Variants in NPHP4 observed in about 807,000 individuals in gnomAD.
The protein encoded by NPHP4 is nephrocystin 4.
Under a neutral mutation model 155.8 loss-of-function variants are expected in NPHP4, and 151 were observed. The ratio of observed to expected loss-of-function variants is 0.97; its 90% CI spans 0.85 to 1.11. The LOEUF (loss-of-function observed/expected upper bound fraction) is 1.11, where lower values mean the gene tolerates loss of function less well. Among genes scored for constraint, NPHP4 ranks in the 50% least tolerant of loss-of-function variants. The pLI is 0.00. For missense variants in NPHP4, 1,956 were observed against 1,925.7 expected (o/e 1.02, Z -0.29); for synonymous variants, 845 against 816.8 (o/e 1.03, Z -0.59).
At chr1:5,902,227 CT>C (rs1348437941) in intron 16 of NPHP4, among the ~76,000 whole-genome samples, 1 of 152,226 alleles carries the variant, frequency 6.6e-6, no homozygotes, top group Non-Finnish European at 1.5e-5. Flanking sequence ...CTTTTCAGAT[CT>C]GCCCACAGGA....
intron 3 of NPHP4, among the ~76,000 whole-genome samples, chr1:5,974,929 TC>T (rs1653263241): frequency 6.6e-6 from 1 of 151,204 alleles, no homozygotes; most frequent in Admixed American, 6.6e-5. Flanking sequence ...CCAAAGCAGA[TC>T]CCCCCAAACC....
intron 6 of NPHP4, among the ~76,000 whole-genome samples, chr1:5,955,001 A>C (rs547220114): frequency 6.6e-6 from 1 of 152,234 alleles, no homozygotes; most frequent in African/African-American, 2.4e-5. Context: ...AATATCCAGA[A>C]TACATAAGGA....
chr1:5,917,207 C>G (rs774122606), intron 11 of NPHP4, among the ~76,000 whole-genome samples: 1 of 152,118 alleles, frequency 6.6e-6, no homozygotes, highest in African/African-American at 2.4e-5. Context: ...GGGTGTGTGA[C>G]CAAGGCCAAC....
chr1:5,956,067 G>GT (rs60060759), intron 6 of NPHP4, among the ~76,000 whole-genome samples: 4,025 of 149,984 alleles, frequency 0.027, 169 homozygotes, highest in Middle Eastern at 0.075. Context: ...GCTGGGGGGG[G>GT]GGGGTGCAGG....
At chr1:5,903,420 A>T (rs1230976140) in intron 16 of NPHP4, among the ~76,000 whole-genome samples, 2 of 152,122 alleles carry the variant, frequency 1.3e-5, no homozygotes, top group Admixed American at 6.5e-5. Context: ...CAGCATTTTA[A>T]CATCACTTTT....
chr1:5,942,959 T>C (rs1570558457), intron 9 of NPHP4, among the ~76,000 whole-genome samples: 2 of 152,230 alleles, frequency 1.3e-5, no homozygotes, highest in East Asian at 3.8e-4. Context: ...TTTGCCCCTG[T>C]TGCATTTCAT....
rs1325489104 is a variant in NPHP4 at position 5,875,014 on chromosome 1, G to A, written c.2904C>T (p.Ala968=). The change falls in exon 21 of 30, where the codon GCC becomes GCT. Residue 968 remains alanine, a synonymous_variant. Transcript: ENST00000378156. ...YRERTKAESI[A]SLLSLAITTE... is the part of the protein sequence containing the mutation. ...TGGTGATGGCCAGGCTCAGCAGGCT[G>A]GCGATGCTCTCGGCCTTCGTGCGTT... 1.2e-6 allele frequency: 2 copies of A among 1,611,552 alleles called. No homozygotes were observed. Among genetic ancestry groups the A allele is most frequent in the Admixed American group, 1.7e-5 (1 of 60,024 alleles).
intron 11 of NPHP4, among the ~76,000 whole-genome samples, chr1:5,919,109 G>A (rs1410828113): frequency 3.9e-5 from 6 of 152,146 alleles, no homozygotes; most frequent in South Asian, 2.1e-4. Context: ...ATATACCAGC[G>A]GAGATGAGTA....
intron 9 of NPHP4, among the ~76,000 whole-genome samples, chr1:5,942,587 CAAA>C (rs34438938): frequency 2.4e-5 from 2 of 82,738 alleles, no homozygotes; most frequent in African/African-American, 4.8e-5. Context: ...TCATAAATGA[CAAA>C]AAAAAAAAAA....
chr1:5,978,858 C>A (rs2102378391), intron 2 of NPHP4, among the ~76,000 whole-genome samples: 1 of 152,334 alleles, frequency 6.6e-6, no homozygotes, highest in Middle Eastern at 3.4e-3. Context: ...TCACGTAAAT[C>A]ATTTTGGATG....
chr1:5,868,070 G>C (rs1230101667), intron 23 of NPHP4, 174 bp from the exon 24 acceptor site: 2 of 770,118 alleles, frequency 2.6e-6, no homozygotes, highest in Non-Finnish European at 2.3e-6. Context: ...TGCAGCAGCA[G>C]GTCTCCACCA....
At chr1:5,933,119 G>A in intron 10 of NPHP4, 28 bp downstream of exon 10, 1 of 1,464,884 alleles carries the variant, frequency 6.8e-7, no homozygotes, top group Non-Finnish European at 9.2e-7. Context: ...GCTCACCGGA[G>A]ATGCATAAGA....
At chr1:5,899,515 G>A (rs773761937) in intron 16 of NPHP4, among the ~76,000 whole-genome samples, 1 of 152,216 alleles carries the variant, frequency 6.6e-6, no homozygotes, top group Non-Finnish European at 1.5e-5. Flanking sequence ...CTGCGGTGAG[G>A]GAGGCCTCTG....
chr1:5,928,853 T>C (rs1417955085), intron 10 of NPHP4, among the ~76,000 whole-genome samples: 1 of 152,232 alleles, frequency 6.6e-6, no homozygotes, highest in Admixed American at 6.5e-5. Context: ...ATAAAATCTC[T>C]AGATCAATCT....
intron 3 of NPHP4, among the ~76,000 whole-genome samples, chr1:5,976,410 CG>C (rs1653591306): frequency 6.6e-6 from 1 of 152,154 alleles, no homozygotes; most frequent in African/African-American, 2.4e-5. Context: ...CACCAGGTTT[CG>C]GGGGGCTCAC....
At chr1:5,894,785 C>T (rs1167670992) in intron 16 of NPHP4, among the ~76,000 whole-genome samples, 1 of 151,950 alleles carries the variant, frequency 6.6e-6, no homozygotes, top group Non-Finnish European at 1.5e-5. Context: ...GAAAACAAAA[C>T]AATAGCAAAA....
intron 11 of NPHP4, among the ~76,000 whole-genome samples, chr1:5,909,732 G>A (rs1036699731): frequency 2.6e-5 from 4 of 152,176 alleles, no homozygotes; most frequent in South Asian, 4.1e-4. Context: ...CGGTAACACT[G>A]GGAGGCGCAC....
Position 5,904,715 on chromosome 1 carries a change from C to T in NPHP4, c.2045G>A (p.Arg682Gln), listed in dbSNP as rs543023683. 69 of 1,613,998 alleles carry T rather than the reference C, an allele frequency of 4.3e-5. No individual in the cohort carries two copies. In the Admixed American group the frequency reaches 1.0e-3, roughly 24 times the overall value. The change falls in exon 16 of 30, where the codon CGA (arginine) becomes CAA (glutamine). Residue 682 changes from arginine to glutamine, a missense_variant. By Grantham distance (43) the Arg-to-Gln change is conservative. Transcript: ENST00000378156. ...FYRFPPATTP[R>Q]LQLVQLDEAG... is the part of the protein sequence containing the mutation. ...CTCATCCAGCTGGACCAGCTGCAGT[C>T]GTGGCGTCGTTGCGGGTGGGAAGCG...
intron 10 of NPHP4, among the ~76,000 whole-genome samples, chr1:5,930,454 T>A (rs537937852): frequency 6.6e-6 from 1 of 152,352 alleles, no homozygotes; most frequent in African/African-American, 2.4e-5. Context: ...TTGAGCTGCA[T>A]CCTACGAACT....
Sources: gnomAD v4.1 joint callset for allele counts (sites outside exome capture counted in the v4.1 genomes callset) on GRCh38, gnomAD v4.1.1 for gene constraint, MANE v1.5 for transcripts, NCBI Gene and HGNC (gene_info 2026-07-23, HGNC 2026-07-21) for gene names.